Variants in JCAD observed in about 807,000 individuals in gnomAD.
JCAD encodes the protein junctional cadherin 5-associated protein.
A neutral mutation model predicts 98.0 loss-of-function variants in JCAD; 40 were observed. The ratio of observed to expected loss-of-function variants is 0.41; its 90% CI spans 0.32 to 0.53. The LOEUF is 0.53. JCAD is among the 20% of genes least tolerant of loss of function. The pLI, the probability that JCAD is intolerant of heterozygous loss-of-function variation, is 0.31. For synonymous variants in JCAD, 691 were observed against 682.3 expected, an observed-to-expected ratio of 1.01 and a Z score of -0.20; for missense variants, 1,705 against 1,738.1, an observed-to-expected ratio of 0.98 and a Z score of 0.34.
chr10:30,070,811 A>G (rs950913966), intron 1 of JCAD, among the ~76,000 whole-genome samples: 1 of 152,204 alleles, frequency 6.6e-6, no homozygotes, highest in Non-Finnish European at 1.5e-5. Flanking sequence ...TTTATTTTCC[A>G]GGGGCCTGTT....
At chr10:30,081,768 C>T (rs532003731) in intron 1 of JCAD, among the ~76,000 whole-genome samples, 2 of 152,126 alleles carry the variant, frequency 1.3e-5, no homozygotes, top group Non-Finnish European at 2.9e-5. Context: ...CACGTACCAG[C>T]AGCAGTACCG....
In JCAD at chr10:30,082,896, T is replaced by A. The variant is rs192711512; in HGVS notation, n.129-13075A>T. On this transcript the variant is annotated intron_variant and non_coding_transcript_variant, in intron 1 of 2. Coordinates refer to the JCAD transcript ENST00000465712. ...AAAAAAACAAAAAATTAGCTGGGTG[T>A]GGTGGCATGCACCTGTAGTCCCAGC... Among the ~76,000 whole-genome samples, 882 of 141,456 alleles carry A rather than the reference T, an allele frequency of 6.2e-3. 2 individuals carry two copies. Among genetic ancestry groups the A allele is most frequent in the Middle Eastern group, 0.019 (5 of 264 alleles). The allele number at this position is 141,456 out of a possible 152,430, so 92.8% of individuals were successfully genotyped here. A position where few individuals can be genotyped will look rare whatever the true frequency, so the allele number is the denominator to read the frequency against.
At chr10:30,031,822 T>TC (rs917625355) in intron 2 of JCAD, among the ~76,000 whole-genome samples, 1 of 140,218 alleles carries the variant, frequency 7.1e-6, no homozygotes, top group African/African-American at 2.7e-5. Context: ...TGGTGGGATC[T>TC]CGGCTCACTG....
intron 1 of JCAD, among the ~76,000 whole-genome samples, chr10:30,089,513 CGTGTGTGTGTGT>C (rs58665379): frequency 6.3e-5 from 9 of 143,036 alleles, no homozygotes; most frequent in East Asian, 2.1e-4. Flanking sequence ...ATGCTTCTTC[CGTGTGTGTGTGT>C]GTGTGTGTGT....
chr10:30,051,581 T>G (rs1837472970), intron 1 of JCAD, among the ~76,000 whole-genome samples: 2 of 152,014 alleles, frequency 1.3e-5, no homozygotes, highest in Non-Finnish European at 2.9e-5. Context: ...AAAAAAAAAG[T>G]CCTATATAGA....
intron 1 of JCAD, among the ~76,000 whole-genome samples, chr10:30,100,983 GTTA>G (rs1838462847): frequency 6.6e-6 from 1 of 152,228 alleles, no homozygotes; most frequent in East Asian, 1.9e-4. Flanking sequence ...GGTTGAAAGA[GTTA>G]TTATCAATAA....
chr10:30,030,860 C>G (rs1836975327), intron 2 of JCAD, among the ~76,000 whole-genome samples: 1 of 151,472 alleles, frequency 6.6e-6, no homozygotes, highest in South Asian at 2.1e-4. Flanking sequence ...AGGCAGTATC[C>G]TAGACACATT....
At chr10:30,062,607 T>C (rs945028010), upstream of JCAD, among the ~76,000 whole-genome samples, 1 of 152,124 alleles carries the variant, frequency 6.6e-6, no homozygotes, top group Non-Finnish European at 1.5e-5. Flanking sequence ...AGAGGTTTAA[T>C]GGACTCACAG....
At chr10:30,044,464 C>G (rs919278970) in intron 2 of JCAD, among the ~76,000 whole-genome samples, 1 of 152,126 alleles carries the variant, frequency 6.6e-6, no homozygotes, top group Non-Finnish European at 1.5e-5. Flanking sequence ...ACTCTCGTGA[C>G]CCTTCCCAAT....
At chr10:30,066,895 G>A (rs1468141939) in intron 2 of JCAD, among the ~76,000 whole-genome samples, 1 of 152,088 alleles carries the variant, frequency 6.6e-6, no homozygotes, top group African/African-American at 2.4e-5. Context: ...TACTCAGGAG[G>A]TTGAGGTACA....
chr10:30,096,636 T>A (rs904704110), intron 1 of JCAD, among the ~76,000 whole-genome samples: 18 of 151,278 alleles, frequency 1.2e-4, no homozygotes, highest in East Asian at 1.2e-3. Flanking sequence ...TTTTTTTTTT[T>A]AATGAGCATC....
intron 1 of JCAD, among the ~76,000 whole-genome samples, chr10:30,104,965 A>T (rs1359232718): frequency 6.6e-6 from 1 of 152,204 alleles, no homozygotes; most frequent in Non-Finnish European, 1.5e-5. Context: ...CTTTGCATAC[A>T]TTAGCTCACT....
chr10:30,017,742 A>G lies in JCAD; in HGVS notation c.*141T>C. On this transcript the variant is annotated 3_prime_UTR_variant, in exon 4 of 4. Coordinates refer to ENST00000375377, the MANE Select transcript of JCAD (RefSeq NM_020848.4). ...AGAGGATGGCAAGTTTCCTAGTGGC[A>G]GTGGTAAAGAATGTTATCAGGATGC... is the stretch of plus-strand genomic sequence containing the variant. 1 of 727,590 alleles carries G rather than the reference A, an allele frequency of 1.4e-6. No individual in the cohort carries two copies. The highest frequency in any genetic ancestry group is 1.6e-5 in the South Asian group (1 of 60,814). The allele number at this position is 727,590 out of a possible 1,614,324, so 45.1% of individuals were successfully genotyped here. A position where few individuals can be genotyped will look rare whatever the true frequency, so the allele number is the denominator to read the frequency against.
At chr10:30,108,526 GA>G (rs1302150586) in intron 1 of JCAD, among the ~76,000 whole-genome samples, 1 of 152,176 alleles carries the variant, frequency 6.6e-6, no homozygotes, top group Non-Finnish European at 1.5e-5. Flanking sequence ...TACACACTCA[GA>G]GTGAGGGGCT....
intron 2 of JCAD, chr10:30,044,677 CTTT>C: frequency 4.3e-5 from 8 of 186,892 alleles, no homozygotes; most frequent in East Asian, 2.0e-4. Flanking sequence ...GCAGTATTGG[CTTT>C]TTTTTTTTTT....
At chr10:30,055,444 A>C (rs1837551463) in intron 1 of JCAD, among the ~76,000 whole-genome samples, 1 of 152,236 alleles carries the variant, frequency 6.6e-6, no homozygotes, top group African/African-American at 2.4e-5. Flanking sequence ...GTAGGTTTTT[A>C]ATGCTTTCCA....
intron 1 of JCAD, among the ~76,000 whole-genome samples, chr10:30,106,754 G>A (rs544475706): frequency 2.0e-5 from 3 of 152,294 alleles, no homozygotes; most frequent in East Asian, 3.9e-4. Context: ...GCCCACCTCA[G>A]CCTCCTAAAG....
In JCAD at chr10:30,029,248, C is replaced by T. The variant is rs372892398; in HGVS notation, c.900G>A (p.Ser300=). ...CCGCTCCTCCCCTAGACTGCTGGTG[C>T]GAGCTGTAAGATGGGGGCTTGAGGG... ...GRPLKPPSYS[S]HQQSRGGADS... The change falls in exon 3 of 4, where the codon TCG becomes TCA. Residue 300 remains serine, a synonymous_variant. Coordinates refer to ENST00000375377, the MANE Select transcript of JCAD (RefSeq NM_020848.4). 1.7e-5 allele frequency: 27 copies of T among 1,613,986 alleles called. No homozygotes were observed. In the Admixed American group the frequency reaches 2.8e-4, roughly 17 times the overall value.
At chr10:30,042,823 A>G (rs1785774516) in intron 2 of JCAD, among the ~76,000 whole-genome samples, 1 of 152,106 alleles carries the variant, frequency 6.6e-6, no homozygotes, top group Non-Finnish European at 1.5e-5. Flanking sequence ...CCTGCCTCCC[A>G]AAGGATCTAT....
Sources: allele counts gnomAD v4.1 joint callset (sites outside exome capture counted in the v4.1 genomes callset), GRCh38; gene constraint gnomAD v4.1.1; transcripts MANE v1.5; gene names NCBI Gene and HGNC (gene_info 2026-07-23, HGNC 2026-07-21).